Variants in XKR9 observed in about 807,000 individuals in gnomAD.
XKR9 encodes the protein XK-related protein 9.
Under a neutral mutation model 32.0 loss-of-function variants are expected in XKR9, and 32 were observed. The ratio of observed to expected loss-of-function variants is 1.00; its 90% CI spans 0.76 to 1.34. The LOEUF is 1.34. Ranked by LOEUF, XKR9 falls within the 40% of genes most tolerant of loss-of-function variation. The pLI is 0.00. For synonymous variants in XKR9, 168 were observed against 143.4 expected (o/e 1.17, Z -1.22); for missense variants, 546 against 429.7 (o/e 1.27, Z -2.39).
the XKR9 span, among the ~76,000 whole-genome samples, chr8:70,897,529 C>A: frequency 6.6e-6 from 1 of 152,186 alleles, no homozygotes; most frequent in African/African-American, 2.4e-5. Context: ...TCCTCCACAT[C>A]TTCACCAGCA....
chr8:70,670,363 ACT>A (rs1818670982), intron 1 of XKR9, among the ~76,000 whole-genome samples: 1 of 152,220 alleles, frequency 6.6e-6, no homozygotes, highest in Non-Finnish European at 1.5e-5. Flanking sequence ...TCCAGTGTTA[ACT>A]ACAGCTTCCC....
At chr8:70,678,285 ATTG>A (rs1292604090) in intron 2 of XKR9, 2 of 152,050 alleles carry the variant, frequency 1.3e-5, no homozygotes, top group Admixed American at 6.6e-5. Flanking sequence ...ATTATTTTTT[ATTG>A]TTAATTGACT....
chr8:70,980,322 G>A, the XKR9 span, among the ~76,000 whole-genome samples: 1 of 152,180 alleles, frequency 6.6e-6, no homozygotes, highest in East Asian at 1.9e-4. Flanking sequence ...TGGAAATACA[G>A]AAATCACACA....
the XKR9 span, among the ~76,000 whole-genome samples, chr8:70,899,044 G>T: frequency 6.6e-6 from 1 of 152,104 alleles, no homozygotes; most frequent in Non-Finnish European, 1.5e-5. Flanking sequence ...TTCCCAAATA[G>T]CTGGGACTAA....
At chr8:70,850,471 A>G in the XKR9 span, among the ~76,000 whole-genome samples, 2 of 144,740 alleles carry the variant, frequency 1.4e-5, no homozygotes, top group South Asian at 2.1e-4. Flanking sequence ...CTCAAAAAAA[A>G]AAAAAAAAAA....
chr8:70,980,636 A>G, the XKR9 span, among the ~76,000 whole-genome samples: 2 of 152,160 alleles, frequency 1.3e-5, no homozygotes, highest in African/African-American at 4.8e-5. Flanking sequence ...CAATGTTATT[A>G]TTGAGATGTG....
At chr8:70,736,682 A>T (rs1245044751), downstream of XKR9, among the ~76,000 whole-genome samples, 2 of 152,092 alleles carry the variant, frequency 1.3e-5, no homozygotes, top group Non-Finnish European at 2.9e-5. Context: ...AGCTTTCTAC[A>T]TATGGCTAGC....
At chr8:70,759,853 C>G (rs200097131) in intron 2 of XKR9, among the ~76,000 whole-genome samples, 1 of 152,112 alleles carries the variant, frequency 6.6e-6, no homozygotes, top group South Asian at 2.1e-4. Context: ...TAAAAGAGCA[C>G]TTAACTTTCA....
rs1296489291 is a variant in XKR9 at position 70,735,223 on chromosome 8, T to A, written c.*799T>A. ...CAAGGACTTTTTCACCTTGTAAAAC[T>A]AAGATTCTCTATTTATTGAACAAAT... On this transcript the variant is annotated 3_prime_UTR_variant, in exon 5 of 5. Coordinates refer to ENST00000408926, the MANE Select transcript of XKR9 (RefSeq NM_001011720.2). 1.3e-5 allele frequency: 2 copies of A among 151,614 alleles called. No individual in the cohort carries two copies. The highest frequency in any genetic ancestry group is 4.9e-5 in the African/African-American group (2 of 41,088). 9.4% of individuals were successfully genotyped at this position (151,614 alleles called of 1,614,324 possible). A position where few individuals can be genotyped will look rare whatever the true frequency, so the allele number is the denominator to read the frequency against.
rs917947361 is a variant in XKR9 at position 70,781,105 on chromosome 8, C to T, written n.353-8234C>T. The T allele has an allele frequency of 5.9e-5, 9 of 152,046 alleles. No homozygotes were observed. In the South Asian group the frequency reaches 1.2e-3, roughly 21 times the overall value. The allele number at this position is 152,046 out of a possible 1,614,324, so 9.4% of individuals were successfully genotyped here. On this transcript the variant is annotated intron_variant and non_coding_transcript_variant, in intron 2 of 3. Coordinates refer to the XKR9 transcript ENST00000520273. ...TTCTTTTTAAAAAAATTATAACCAT[C>T]CTAGTGGGTATAAAGTGGTATTGCT...
At chr8:70,749,986 G>A (rs2130181497) in intron 2 of XKR9, among the ~76,000 whole-genome samples, 1 of 152,104 alleles carries the variant, frequency 6.6e-6, no homozygotes, top group South Asian at 2.1e-4. Flanking sequence ...TTATTTTCTG[G>A]GATTTGGAAG....
At chr8:70,962,812 T>G in the XKR9 span, among the ~76,000 whole-genome samples, 1 of 152,332 alleles carries the variant, frequency 6.6e-6, no homozygotes, top group East Asian at 1.9e-4. Flanking sequence ...TCATTCTTTC[T>G]TGTCTTCTCT....
chr8:70,889,615 G>C, the XKR9 span, among the ~76,000 whole-genome samples: 1 of 151,556 alleles, frequency 6.6e-6, no homozygotes, highest in Non-Finnish European at 1.5e-5. Context: ...ATGAGTACCT[G>C]ATATTTAGTT....
chr8:70,785,318 A>T (rs1001933831), intron 2 of XKR9, among the ~76,000 whole-genome samples: 4 of 151,908 alleles, frequency 2.6e-5, no homozygotes, highest in Non-Finnish European at 4.4e-5. Context: ...GTAGTCTCCT[A>T]TGATCGTTTT....
At chr8:70,787,237 T>C (rs1361147167) in intron 2 of XKR9, among the ~76,000 whole-genome samples, 1 of 151,514 alleles carries the variant, frequency 6.6e-6, no homozygotes, top group Non-Finnish European at 1.5e-5. Context: ...CAGACAAGAA[T>C]TTTTTTAAAG....
the XKR9 span, among the ~76,000 whole-genome samples, chr8:70,996,429 CT>C: frequency 9.7e-3 from 1,470 of 152,206 alleles, 23 homozygotes; most frequent in African/African-American, 0.034. Flanking sequence ...TTAGCTGTTA[CT>C]CAGATACTCT....
the XKR9 span, among the ~76,000 whole-genome samples, chr8:70,997,383 A>G: frequency 5.3e-5 from 8 of 152,126 alleles, no homozygotes; most frequent in African/African-American, 1.9e-4. Context: ...GAAGGTTTTC[A>G]TGTCATGTTA....
chr8:70,825,456 C>T, the XKR9 span, among the ~76,000 whole-genome samples: 20 of 152,096 alleles, frequency 1.3e-4, no homozygotes, highest in African/African-American at 4.6e-4. Context: ...TTACTCACTA[C>T]TCAATACTCA....
At chr8:70,892,949 TCTC>T in the XKR9 span, among the ~76,000 whole-genome samples, 4 of 152,154 alleles carry the variant, frequency 2.6e-5, no homozygotes, top group African/African-American at 9.6e-5. Flanking sequence ...TTCTTTATCT[TCTC>T]CTTCTGGAAC....
Sources: allele counts gnomAD v4.1 joint callset (sites outside exome capture counted in the v4.1 genomes callset), GRCh38; gene constraint gnomAD v4.1.1; transcripts MANE v1.5; gene names NCBI Gene and HGNC (gene_info 2026-07-23, HGNC 2026-07-21).